The following CUX2 variants were observed in gnomAD, a reference collection of about 807,000 sequenced individuals.
CUX2 encodes the protein cut like homeobox 2.
CUX2 carries 40 observed loss-of-function variants against 144.8 expected under a neutral mutation model. The observed-to-expected ratio is 0.28, with a 90% CI of 0.21 to 0.36. The LOEUF (loss-of-function observed/expected upper bound fraction) is 0.36, where lower values mean the gene tolerates loss of function less well. Among genes scored for constraint, CUX2 ranks in the 10% least tolerant of loss-of-function variants. The probability of loss-of-function intolerance (pLI) is 1.00; values close to 1 mark genes in which losing one functional copy is unlikely to be tolerated. For synonymous variants in CUX2, 827 were observed against 875.6 expected, an observed-to-expected ratio of 0.94 and a Z score of 0.98; for missense variants, 1,615 against 1,994.0, an observed-to-expected ratio of 0.81 and a Z score of 3.62.
intron 1 of CUX2, among the ~76,000 whole-genome samples, chr12:111,140,173 G>A (rs912899820): frequency 6.6e-6 from 1 of 152,076 alleles, no homozygotes; most frequent in East Asian, 1.9e-4. Context: ...CCAGGTCAGC[G>A]CTGCTTGCAA....
intron 3 of CUX2, among the ~76,000 whole-genome samples, chr12:111,229,463 G>A (rs1470357932): frequency 6.6e-6 from 1 of 152,204 alleles, no homozygotes; most frequent in African/African-American, 2.4e-5. Context: ...ACCCATCTTA[G>A]GTCACACAGC....
intron 1 of CUX2, among the ~76,000 whole-genome samples, chr12:111,206,053 G>A (rs532502655): frequency 1.1e-3 from 174 of 152,332 alleles, no homozygotes; most frequent in African/African-American, 4.0e-3. Flanking sequence ...CGGAAGACCA[G>A]GACAAGTGTA....
At chr12:111,156,259 A>G (rs1284075237) in intron 1 of CUX2, among the ~76,000 whole-genome samples, 1 of 151,788 alleles carries the variant, frequency 6.6e-6, no homozygotes, top group Non-Finnish European at 1.5e-5. Flanking sequence ...AACCTGATGG[A>G]AGCACCAGGA....
Position 111,212,353 on chromosome 12 carries a change from A to G in CUX2, c.64-1847A>G, listed in dbSNP as rs185998181. Among the ~76,000 whole-genome samples, 3 of 152,306 alleles carry G rather than the reference A, an allele frequency of 2.0e-5. No homozygotes were observed. The East Asian group carries it at 5.8e-4, about 29-fold the overall frequency. ...AGTGGGAGTACCCTGTGCTTCGGCA[A>G]GAATTGGTTTCAGCACCTTGGAGAG... On this transcript the variant is annotated intron_variant, in intron 1 of 21. Transcript: ENST00000261726.
At position 111,310,376 on chromosome 12, in the gene CUX2, G is replaced by T; in HGVS notation, c.1594G>T (p.Gly532Cys). The change falls in exon 15 of 22, where the codon GGT becomes TGT. Residue 532 changes from glycine to cysteine, a missense_variant. This residue lies in a region of CUX2 where 154 missense variants were observed against 148.4 expected (regional missense o/e 1.04). Transcript: ENST00000261726. The surrounding 1 kb of genome is among the most constrained non-coding windows in gnomAD (Gnocchi z 7.9). Reference protein sequence around the residue: ...TPAPGPEPLGGPEPADGGGGG... With the variant: ...TPAPGPEPLGCPEPADGGGGG... ...GGCCCCTGGCCCTGAGCCACTGGGC[G>T]GTCCTGAGCCCGCGGATGGTGGTGG... 1.3e-6 allele frequency: 2 copies of T among 1,596,644 alleles called. No individual in the cohort carries two copies. Among genetic ancestry groups the T allele is most frequent in the Non-Finnish European group, 1.7e-6 (2 of 1,169,402 alleles).
intron 1 of CUX2, among the ~76,000 whole-genome samples, chr12:111,110,780 T>G (rs1156448434): frequency 6.6e-6 from 1 of 152,220 alleles, no homozygotes; most frequent in African/African-American, 2.4e-5. Context: ...CTGGATGGTA[T>G]TTGGTGCATG....
intron 1 of CUX2, among the ~76,000 whole-genome samples, chr12:111,156,216 T>G (rs2136143807): frequency 6.6e-6 from 1 of 152,318 alleles, no homozygotes; most frequent in East Asian, 1.9e-4. Context: ...CTCTGTATCC[T>G]TTCCCTCCTG....
Position 111,304,487 on chromosome 12 carries a change from A to G in CUX2, c.858+173A>G, listed in dbSNP as rs890029694. Among the ~76,000 whole-genome samples, 3 of 152,196 alleles carry G rather than the reference A, an allele frequency of 2.0e-5. No individual in the cohort carries two copies. Among genetic ancestry groups the G allele is most frequent in the Non-Finnish European group, 2.9e-5 (2 of 68,034 alleles). ...TGTGCATACGGTGAGCATAATCACT[A>G]TGACCTGCTACACCAGCTGAGGATA... On this transcript the variant is annotated intron_variant, in intron 10 of 21. Transcript: ENST00000261726. This position sits in a 1 kb window ranked among gnomAD's most constrained non-coding sequence, Gnocchi z 4.7.
rs1465860129 is a variant in CUX2 at position 111,338,305 on chromosome 12, A to G, written c.3216A>G (p.Glu1072=). 1 of 1,610,698 alleles carries G rather than the reference A, an allele frequency of 6.2e-7. No homozygotes were observed. The highest frequency in any genetic ancestry group is 1.3e-5 in the African/African-American group (1 of 74,834). The change falls in exon 20 of 22, where the codon GAA becomes GAG. Residue 1072 remains glutamate (E), a synonymous_variant. Transcript: ENST00000261726. ...DNNLGQRLFG[E]SILGLTQGSV... ...CCCCAGGGCAGCGGCTGTTTGGGGA[A>G]AGCATCCTGGGTCTGACACAGGGCT...
intron 1 of CUX2, among the ~76,000 whole-genome samples, chr12:111,098,620 A>T (rs1178531966): frequency 2.0e-5 from 3 of 152,150 alleles, no homozygotes; most frequent in African/African-American, 7.2e-5. Context: ...GCCCCAGTTG[A>T]CAATATGGTG....
intron 10 of CUX2, among the ~76,000 whole-genome samples, chr12:111,306,475 G>A (rs1440173806): frequency 6.6e-6 from 1 of 152,084 alleles, no homozygotes; most frequent in Non-Finnish European, 1.5e-5. Flanking sequence ...GGGTCTTGGG[G>A]CTATCAGCAA....
intron 1 of CUX2, among the ~76,000 whole-genome samples, chr12:111,191,581 C>A (rs1390163711): frequency 1.3e-5 from 2 of 152,136 alleles, no homozygotes; most frequent in African/African-American, 4.8e-5. Context: ...CTACCTTGGC[C>A]CCCCAAAGTG....
At position 111,238,832 on chromosome 12, in the gene CUX2, G is replaced by T. The variant is rs1882885339; in HGVS notation, c.222+20895G>T. On this transcript the variant is annotated intron_variant, in intron 3 of 21. Coordinates refer to ENST00000261726, the MANE Select transcript of CUX2 (RefSeq NM_015267.4). ...GACCGAGGCGGGTGGGTCACTTTAG[G>T]TCAGGCGTTTGCAACCAGCCTGGCC... Among the ~76,000 whole-genome samples the T allele has an allele frequency of 1.3e-5, 2 of 152,112 alleles. 1 individual carries two copies. Among genetic ancestry groups the T allele is most frequent in the South Asian group, 4.1e-4 (2 of 4,824 alleles).
intron 1 of CUX2, among the ~76,000 whole-genome samples, chr12:111,098,279 A>G (rs564310129): frequency 6.6e-6 from 1 of 152,292 alleles, no homozygotes; most frequent in African/African-American, 2.4e-5. Context: ...GCCTGCCTGT[A>G]ATCCCAGCTA....
chr12:111,233,296 C>G (rs1374049263), intron 3 of CUX2, among the ~76,000 whole-genome samples: 1 of 152,184 alleles, frequency 6.6e-6, no homozygotes, highest in Non-Finnish European at 1.5e-5. Flanking sequence ...CCTCCCTACC[C>G]TTGCAGACCG....
chr12:111,310,128 C>T lies in CUX2; in HGVS notation c.1346C>T (p.Pro449Leu). Residue 449 changes from proline (P) to leucine (L), a missense_variant, in exon 15 of 22, where the codon CCA (proline) becomes CTA (leucine). Transcript: ENST00000261726. This position sits in a 1 kb window ranked among gnomAD's most constrained non-coding sequence, Gnocchi z 7.9. ...YPSPQQLPPP[P>L]GPEDPLSPSP... ...TCCCCTCAGCAGCTCCCACCTCCAC[C>T]AGGGCCAGAAGACCCCCTGTCTCCC... is the stretch of plus-strand genomic sequence containing the variant. The T allele has an allele frequency of 6.6e-7, 1 of 1,509,002 alleles. No individual in the cohort carries two copies. The highest frequency in any genetic ancestry group is 8.9e-7 in the Non-Finnish European group (1 of 1,129,908). The allele number at this position is 1,509,002 out of a possible 1,614,324, so 93.5% of individuals were successfully genotyped here.
chr12:111,088,509 A>T (rs1429505598), intron 1 of CUX2, among the ~76,000 whole-genome samples: 1 of 152,186 alleles, frequency 6.6e-6, no homozygotes, highest in East Asian at 1.9e-4. Context: ...CAGCGGGCTG[A>T]ATCCCTACGA....
chr12:111,312,265 G>T lies in CUX2; in HGVS notation c.2002+64G>T, dbSNP rs1175877372. The T allele has an allele frequency of 2.1e-6, 3 of 1,415,294 alleles. No individual in the cohort carries two copies. The highest frequency in any genetic ancestry group is 1.9e-6 in the Non-Finnish European group (2 of 1,029,596). The allele number at this position is 1,415,294 out of a possible 1,614,324, so 87.7% of individuals were successfully genotyped here. On this transcript the variant is annotated intron_variant, in intron 16 of 21. Transcript: ENST00000261726. This position sits in a 1 kb window ranked among gnomAD's most constrained non-coding sequence, Gnocchi z 4.3. ...GGGCCAGCTGCGAACAGGAGATGAG[G>T]CTTCGTCTACCTTTGTCCACCCCAG...
chr12:111,105,085 C>G (rs992049529), intron 1 of CUX2, among the ~76,000 whole-genome samples: 1 of 152,196 alleles, frequency 6.6e-6, no homozygotes, highest in African/African-American at 2.4e-5. Context: ...GGGACCTGGG[C>G]TCATCGCTAT....
Sources: gnomAD v4.1 joint callset for allele counts (sites outside exome capture counted in the v4.1 genomes callset) on GRCh38, gnomAD v4.1.1 for gene constraint, gnomAD v4.1.1 regional missense constraint, Gnocchi (gnomAD v3.1) non-coding constraint, MANE v1.5 for transcripts, NCBI Gene and HGNC (gene_info 2026-07-23, HGNC 2026-07-21) for gene names.